The following LMNTD1 variants were observed in gnomAD, a reference collection of about 807,000 sequenced individuals.
LMNTD1 encodes the protein lamin tail domain containing 1, also known as lamin tail domain-containing protein 1.
In LMNTD1, 35 loss-of-function variants were observed where a neutral mutation model predicts 50.9. The ratio of observed to expected loss-of-function variants is 0.69; its 90% CI spans 0.53 to 0.91. The LOEUF is 0.91. Ranked by LOEUF, LMNTD1 falls within the 40% of genes least tolerant of loss-of-function variation. LMNTD1 has a pLI of 0.00. For synonymous variants in LMNTD1, 153 were observed against 161.9 expected (o/e 0.94, Z 0.42); for missense variants, 470 against 475.5 (o/e 0.99, Z 0.11).
intron 1 of LMNTD1, among the ~76,000 whole-genome samples, chr12:25,612,969 G>T (rs1480796819): frequency 6.6e-6 from 1 of 152,164 alleles, no homozygotes; most frequent in Non-Finnish European, 1.5e-5. Context: ...AGAAGAGGAA[G>T]AAGGCAATGG....
In LMNTD1 at chr12:25,562,240, T is replaced by G. The variant is rs556273909; in HGVS notation, c.59-15686A>C. Among the ~76,000 whole-genome samples the G allele has an allele frequency of 9.9e-5, 15 of 152,252 alleles. 1 individual carries two copies. Among genetic ancestry groups the G allele is most frequent in the Non-Finnish European group, 2.1e-4 (14 of 68,036 alleles). On this transcript the variant is annotated intron_variant, in intron 1 of 7. Transcript: ENST00000445693. ...AGTTTCTTCCTAGCATTGATGGTCT[T>G]TACAATTTGCCATGTTTTTGCAGTG...
chr12:25,580,978 T>C (rs1945256914), intron 1 of LMNTD1, among the ~76,000 whole-genome samples: 1 of 152,026 alleles, frequency 6.6e-6, no homozygotes, highest in African/African-American at 2.4e-5. Flanking sequence ...TGGCATATAA[T>C]CCCCCATGAA....
chr12:25,640,785 C>T (rs2136624183), intron 1 of LMNTD1, among the ~76,000 whole-genome samples: 1 of 152,138 alleles, frequency 6.6e-6, no homozygotes, highest in African/African-American at 2.4e-5. Context: ...GCCTAAGCCT[C>T]CCGAGTAGCT....
At chr12:25,501,961 G>T (rs61732189) in intron 9 of LMNTD1, among the ~76,000 whole-genome samples, 1 of 152,150 alleles carries the variant, frequency 6.6e-6, no homozygotes, top group Non-Finnish European at 1.5e-5. Context: ...TACCACCAGA[G>T]GGGGGTGGGA....
intron 1 of LMNTD1, among the ~76,000 whole-genome samples, chr12:25,566,110 C>T (rs1032737845): frequency 1.3e-4 from 20 of 152,182 alleles, no homozygotes; most frequent in African/African-American, 4.6e-4. Context: ...CTATAAGCTT[C>T]TTATACTTGC....
Position 25,526,101 on chromosome 12 carries a change from G to A in LMNTD1, c.796C>T (p.Gln266Ter). Residue 266 changes from glutamine (Q) to a stop codon, truncating the protein, a stop_gained and splice_region_variant, in exon 6 of 10, where the codon CAA (glutamine) becomes TAA (stop). Coordinates refer to ENST00000458174, the MANE Select transcript of LMNTD1 (RefSeq NM_001145728.2). LOFTEE classifies it high-confidence loss of function. ...CITILCKPNG[Q>*]AIAWYTPIHW... ...ATTGTTAAGAACCAGAAACTAACTTGACCGTTCGGTTTGCACAGGATTGTT... is the reference window on the plus strand; with the variant it reads ...ATTGTTAAGAACCAGAAACTAACTTAACCGTTCGGTTTGCACAGGATTGTT... The A allele has an allele frequency of 1.9e-6, 3 of 1,562,298 alleles. No individual in the cohort carries two copies. Among genetic ancestry groups the A allele is most frequent in the Non-Finnish European group, 2.6e-6 (3 of 1,158,042 alleles).
chr12:25,501,032 C>T (rs746495400), intron 9 of LMNTD1, among the ~76,000 whole-genome samples: 6 of 152,160 alleles, frequency 3.9e-5, no homozygotes, highest in African/African-American at 7.2e-5. Flanking sequence ...CTCTGTTGCC[C>T]GGGCTGGAGT....
chr12:25,609,255 G>A (rs538917773), intron 1 of LMNTD1, among the ~76,000 whole-genome samples: 123 of 152,196 alleles, frequency 8.1e-4, no homozygotes, highest in Middle Eastern at 3.4e-3. Flanking sequence ...GCTTCTTTGC[G>A]ATGGGTTCGA....
At chr12:25,569,340 T>C (rs1944690880) in intron 1 of LMNTD1, among the ~76,000 whole-genome samples, 3 of 152,088 alleles carry the variant, frequency 2.0e-5, no homozygotes, top group Admixed American at 2.0e-4. Context: ...GGAATGGGAA[T>C]GTTTACCCAA....
At chr12:25,537,156 G>C (rs552889211) in intron 4 of LMNTD1, among the ~76,000 whole-genome samples, 3 of 152,188 alleles carry the variant, frequency 2.0e-5, no homozygotes, top group African/African-American at 7.2e-5. Flanking sequence ...GGGGAGGGGC[G>C]CCCACCATTG....
In LMNTD1 at chr12:25,551,673, T is replaced by C. The variant is rs148578195; in HGVS notation, c.89+1198A>G. ...TCCCAAATTGCTGGAATTACAGGCA[T>C]GAGCCACTATGCCTGGCCGAATAAG... On this transcript the variant is annotated intron_variant, in intron 2 of 9. Transcript: ENST00000458174. Among the ~76,000 whole-genome samples the C allele has an allele frequency of 1.3e-3, 197 of 152,368 alleles. 1 individual carries two copies. Among genetic ancestry groups the C allele is most frequent in the African/African-American group, 4.6e-3 (191 of 41,588 alleles).
chr12:25,552,430 C>A (rs1251098063), intron 2 of LMNTD1, among the ~76,000 whole-genome samples: 1 of 151,680 alleles, frequency 6.6e-6, no homozygotes, highest in Non-Finnish European at 1.5e-5. Context: ...CACGGTGAAA[C>A]CTCGTCTCTA....
chr12:25,538,618 C>T (rs1361689570), intron 4 of LMNTD1, among the ~76,000 whole-genome samples: 1 of 142,018 alleles, frequency 7.0e-6, no homozygotes, highest in Non-Finnish European at 1.6e-5. Flanking sequence ...GCTGCAAAAT[C>T]ATGCCAAAAT....
intron 1 of LMNTD1, among the ~76,000 whole-genome samples, chr12:25,596,816 A>G (rs1945853723): frequency 6.6e-6 from 1 of 152,136 alleles, no homozygotes; most frequent in South Asian, 2.1e-4. Context: ...ACATAGAAGG[A>G]CTAAAGGACG....
At chr12:25,551,031 G>A (rs1943714596) in intron 2 of LMNTD1, among the ~76,000 whole-genome samples, 2 of 152,206 alleles carry the variant, frequency 1.3e-5, no homozygotes, top group African/African-American at 4.8e-5. Flanking sequence ...TAGTGGGAAG[G>A]AGACTTTAGA....
chr12:25,509,100 TATGAC>T (rs1171342250), intron 8 of LMNTD1, among the ~76,000 whole-genome samples: 1 of 152,160 alleles, frequency 6.6e-6, no homozygotes, highest in African/African-American at 2.4e-5. Context: ...ATAATGAAAG[TATGAC>T]ATATATCTTT....
chr12:25,517,864 G>A (rs1292263326), intron 8 of LMNTD1, among the ~76,000 whole-genome samples: 1 of 151,920 alleles, frequency 6.6e-6, no homozygotes, highest in Non-Finnish European at 1.5e-5. Context: ...TGATGTGCTA[G>A]CATATTAACA....
intron 1 of LMNTD1, among the ~76,000 whole-genome samples, chr12:25,562,404 T>C (rs1256612817): frequency 6.6e-6 from 1 of 152,214 alleles, no homozygotes; most frequent in Non-Finnish European, 1.5e-5. Context: ...AAGCTTAGTT[T>C]GGCTGGATAT....
At chr12:25,507,542 G>A (rs1353223156) in intron 8 of LMNTD1, among the ~76,000 whole-genome samples, 1 of 152,150 alleles carries the variant, frequency 6.6e-6, no homozygotes, top group Non-Finnish European at 1.5e-5. Flanking sequence ...CACTTTGGGT[G>A]GCTCTTCCAT....
Sources: gnomAD v4.1 joint callset for allele counts (sites outside exome capture counted in the v4.1 genomes callset) on GRCh38, gnomAD v4.1.1 for gene constraint, MANE v1.5 for transcripts, NCBI Gene and HGNC (gene_info 2026-07-23, HGNC 2026-07-21) for gene names.